MTCH2: variants seen among roughly 807,000 people sequenced by gnomAD.
MTCH2 encodes mitochondrial carrier 2.
A neutral mutation model predicts 50.6 loss-of-function variants in MTCH2; 25 were observed. The observed-to-expected ratio is 0.49, with a 90% CI of 0.36 to 0.69. The LOEUF (loss-of-function observed/expected upper bound fraction) is 0.69, where lower values mean the gene tolerates loss of function less well. Ranked by LOEUF, MTCH2 falls within the 30% of genes least tolerant of loss-of-function variation. The pLI is 0.00. For synonymous variants in MTCH2, 106 were observed against 132.0 expected, an observed-to-expected ratio of 0.80 and a Z score of 1.35; for missense variants, 273 against 384.4, an observed-to-expected ratio of 0.71 and a Z score of 2.42.
At chr11:47,639,271 CTA>C (rs749339963) in intron 1 of MTCH2, among the ~76,000 whole-genome samples, 1 of 152,142 alleles carries the variant, frequency 6.6e-6, no homozygotes, top group African/African-American at 2.4e-5. Context: ...GGTTCAAATT[CTA>C]TGACGTAAAC....
intron 1 of MTCH2, 69 bp downstream of exon 1, chr11:47,642,310 C>T (rs962415048): frequency 1.5e-6 from 2 of 1,361,156 alleles, no homozygotes; most frequent in South Asian, 1.3e-5. Flanking sequence ...TGAGCCGATC[C>T]TCAGGCGCCC....
Position 47,632,422 on chromosome 11 carries a change from C to T in MTCH2, c.370-711G>A, listed in dbSNP as rs190101677. ...ACGCTGGAGTGCAGTGGCGCGAACT[C>T]GGTTCACTGCAAGCTCCGCCTCCCG... On this transcript the variant is annotated intron_variant, in intron 5 of 12. Coordinates refer to ENST00000302503, the MANE Select transcript of MTCH2 (RefSeq NM_014342.4). Among the ~76,000 whole-genome samples, 370 of 151,112 alleles carry T rather than the reference C, an allele frequency of 2.4e-3. 6 individuals are homozygous for T. The highest frequency in any genetic ancestry group is 1.8e-3 in the Non-Finnish European group (123 of 67,900).
At chr11:47,631,833 C>A in intron 5 of MTCH2, 122 bp from the exon 6 acceptor site, 3 of 932,322 alleles carry the variant, frequency 3.2e-6, no homozygotes, top group South Asian at 2.9e-5. Flanking sequence ...CCCTCCTGCC[C>A]TGGCTGGAGT....
chr11:47,638,545 C>CAAAAAA (rs59317101), intron 3 of MTCH2, among the ~76,000 whole-genome samples, 154 bp downstream of exon 3: 20 of 52,912 alleles, frequency 3.8e-4, no homozygotes, highest in African/African-American at 6.0e-4. Context: ...GACTCCATCT[C>CAAAAAA]AAAAAAAAAA....
chr11:47,624,231 CAAAA>C (rs530030153), intron 11 of MTCH2, among the ~76,000 whole-genome samples: 4 of 62,088 alleles, frequency 6.4e-5, no homozygotes, highest in African/African-American at 5.2e-5. Flanking sequence ...GACTCCATCT[CAAAA>C]AAAAAAAAAA....
chr11:47,633,527 T>TATATATATATATATATATATATATA (rs59398950), intron 5 of MTCH2, among the ~76,000 whole-genome samples: 10 of 19,034 alleles, frequency 5.3e-4, no homozygotes, highest in South Asian at 2.2e-3. Flanking sequence ...TATATATATA[T>TATATATATATATATATATATATATA]TTTTTTTTTT....
intron 4 of MTCH2, 35 bp from the exon 5 acceptor site, chr11:47,634,769 A>ATTTTTTTT (rs139407275): frequency 3.5e-5 from 26 of 739,658 alleles, no homozygotes; most frequent in East Asian, 8.3e-5. Flanking sequence ...AGAGATCTTG[A>ATTTTTTTT]TTTTTTTTTT....
chr11:47,631,438 A>T (rs1187191973), intron 6 of MTCH2, among the ~76,000 whole-genome samples: 1 of 152,128 alleles, frequency 6.6e-6, no homozygotes, highest in Non-Finnish European at 1.5e-5. Context: ...AACAAAAAAA[A>T]ACTATGTTAA....
chr11:47,628,913 A>G, intron 9 of MTCH2, 40 bp downstream of exon 9: 1 of 1,562,000 alleles, frequency 6.4e-7, no homozygotes, highest in Non-Finnish European at 8.8e-7. Context: ...CTGCCAGATT[A>G]AAGCCAAGGT....
chr11:47,634,303 C>T (rs2097306460), intron 5 of MTCH2, among the ~76,000 whole-genome samples: 1 of 152,104 alleles, frequency 6.6e-6, no homozygotes, highest in South Asian at 2.1e-4. Flanking sequence ...TGGTCTCTAA[C>T]TCCTGGGGTC....
chr11:47,612,588 T>A (rs1203841507), downstream of MTCH2, among the ~76,000 whole-genome samples: 1 of 151,886 alleles, frequency 6.6e-6, no homozygotes, highest in Non-Finnish European at 1.5e-5. Context: ...CCAGATGTGG[T>A]GGCGCACACT....
chr11:47,606,557 T>A, the MTCH2 span, among the ~76,000 whole-genome samples: 1 of 152,260 alleles, frequency 6.6e-6, no homozygotes, highest in East Asian at 1.9e-4. Context: ...GCAAATGCGA[T>A]AGCCTAATTT....
downstream of MTCH2, among the ~76,000 whole-genome samples, chr11:47,616,764 C>T (rs2097288665): frequency 6.6e-6 from 1 of 151,208 alleles, no homozygotes; most frequent in African/African-American, 2.4e-5. Flanking sequence ...TTCATTGCAA[C>T]CTCCACCTCC....
At chr11:47,623,426 C>G (rs1301241339) in intron 11 of MTCH2, among the ~76,000 whole-genome samples, 2 of 143,092 alleles carry the variant, frequency 1.4e-5, no homozygotes, top group Non-Finnish European at 3.1e-5. Flanking sequence ...TAAAAACTAA[C>G]TGGTGTTCAC....
At chr11:47,606,455 C>T in the MTCH2 span, among the ~76,000 whole-genome samples, 4 of 152,128 alleles carry the variant, frequency 2.6e-5, no homozygotes, top group African/African-American at 9.7e-5. Flanking sequence ...GTCTCTTGTA[C>T]CCCACCTTTT....
intron 3 of MTCH2, among the ~76,000 whole-genome samples, chr11:47,638,284 G>C (rs1286970112): frequency 2.7e-5 from 4 of 148,460 alleles, no homozygotes; most frequent in African/African-American, 2.5e-5. Flanking sequence ...GAGTCCCGCC[G>C]GGCGCGGTGG....
chr11:47,616,578 C>T (rs1423981036), downstream of MTCH2, among the ~76,000 whole-genome samples: 1 of 152,076 alleles, frequency 6.6e-6, no homozygotes, highest in African/African-American at 2.4e-5. Flanking sequence ...CCACCTGCCT[C>T]AGCCTCCCAA....
chr11:47,607,142 C>T, the MTCH2 span, among the ~76,000 whole-genome samples: 1 of 152,122 alleles, frequency 6.6e-6, no homozygotes, highest in Non-Finnish European at 1.5e-5. Flanking sequence ...AAATCTTTAT[C>T]TCTGAGCTTC....
intron 8 of MTCH2, 114 bp from the exon 9 acceptor site, chr11:47,629,160 T>A: frequency 1.1e-6 from 1 of 894,606 alleles, no homozygotes; most frequent in Non-Finnish European, 1.7e-6. Flanking sequence ...TCTAGGGAAG[T>A]AAAAAAGGAA....
Sources: gnomAD v4.1 joint callset for allele counts (sites outside exome capture counted in the v4.1 genomes callset) on GRCh38, gnomAD v4.1.1 for gene constraint, MANE v1.5 for transcripts, NCBI Gene and HGNC (gene_info 2026-07-23, HGNC 2026-07-21) for gene names.